The following GABRG3 variants were observed in gnomAD, a reference collection of about 807,000 sequenced individuals.
The protein encoded by GABRG3 is gamma-aminobutyric acid receptor subunit gamma-3.
In GABRG3, 25 loss-of-function variants were observed where a neutral mutation model predicts 48.8. The ratio of observed to expected loss-of-function variants is 0.51; its 90% CI spans 0.37 to 0.72. The LOEUF is 0.72. Among genes scored for constraint, GABRG3 ranks in the 30% least tolerant of loss-of-function variants. The pLI, the probability that GABRG3 is intolerant of heterozygous loss-of-function variation, is 0.00. For missense variants in GABRG3, 394 were observed against 577.9 expected, an observed-to-expected ratio of 0.68 and a Z score of 3.26; for synonymous variants, 227 against 217.6, an observed-to-expected ratio of 1.04 and a Z score of -0.38.
intron 6 of GABRG3, among the ~76,000 whole-genome samples, chr15:27,501,377 CA>C (rs1450495089): frequency 1.3e-5 from 2 of 152,162 alleles, no homozygotes; most frequent in East Asian, 3.9e-4. Context: ...GCAAGCTCTA[CA>C]AGTCTTCCTG....
At chr15:27,519,820 A>G (rs1192135216) in intron 6 of GABRG3, among the ~76,000 whole-genome samples, 152 bp from the exon 7 acceptor site, 1 of 152,202 alleles carries the variant, frequency 6.6e-6, no homozygotes, top group Non-Finnish European at 1.5e-5. Flanking sequence ...GTTTAAGAAA[A>G]CCAGCATTTT....
At chr15:27,384,509 G>A (rs1199214065) in intron 5 of GABRG3, among the ~76,000 whole-genome samples, 3 of 152,128 alleles carry the variant, frequency 2.0e-5, no homozygotes, top group Admixed American at 6.5e-5. Context: ...ACACACACAA[G>A]TGCTTGATAA....
intron 3 of GABRG3, among the ~76,000 whole-genome samples, chr15:27,160,828 C>A (rs1308520078): frequency 1.3e-5 from 2 of 152,100 alleles, no homozygotes; most frequent in African/African-American, 4.8e-5. Context: ...TGGAAGTTCT[C>A]TATGGGCCTC....
rs145192287 is a variant in GABRG3, at chr15:27,034,601, A to C, written c.270+7780A>C. 2.6e-5 allele frequency among the ~76,000 whole-genome samples: 4 copies of C among 152,238 alleles called. No homozygotes were observed. In the East Asian group the frequency reaches 7.7e-4, roughly 29 times the overall value. The stretch of plus-strand genomic sequence containing the variant: ...ATGATCTCTGCAAATTAAAAAAAAA[A>C]TCTCCAAGAACAAAAAAGAAGATGA... On this transcript the variant is annotated intron_variant, in intron 3 of 9. Coordinates refer to ENST00000615808, the MANE Select transcript of GABRG3 (RefSeq NM_033223.5).
chr15:27,031,429 T>C (rs1896084821), intron 3 of GABRG3, among the ~76,000 whole-genome samples: 1 of 152,180 alleles, frequency 6.6e-6, no homozygotes. Context: ...TAGTCAACCT[T>C]GTAGGATGGC....
At chr15:27,257,732 G>A (rs965583740) in intron 3 of GABRG3, among the ~76,000 whole-genome samples, 1 of 152,084 alleles carries the variant, frequency 6.6e-6, no homozygotes, top group Non-Finnish European at 1.5e-5. Context: ...GGGTGCAGTG[G>A]CATGATCGTA....
chr15:27,003,929 C>T (rs1368199774), intron 2 of GABRG3, among the ~76,000 whole-genome samples: 43 of 130,028 alleles, frequency 3.3e-4, no homozygotes, highest in Middle Eastern at 5.7e-3. Context: ...TAGGGGCGGC[C>T]GGGCAGAGGC....
chr15:27,450,710 A>C (rs958584092), intron 5 of GABRG3, among the ~76,000 whole-genome samples: 2 of 151,790 alleles, frequency 1.3e-5, no homozygotes, highest in African/African-American at 4.8e-5. Flanking sequence ...CCAGAGCAAT[A>C]AGGCAATAAA....
At chr15:27,151,906 C>T (rs1438367476) in intron 3 of GABRG3, among the ~76,000 whole-genome samples, 2 of 152,132 alleles carry the variant, frequency 1.3e-5, no homozygotes, top group East Asian at 1.9e-4. Context: ...GGTACCTAGT[C>T]CTTTGTTGGA....
rs1209309897 is a variant in GABRG3 at position 27,480,623 on chromosome 15, G to T, written c.575-27G>T. ...ATGATTTATAAATGTGTACCTTCAA[G>T]TGCTAATGTTTGCTCTGTGTTTTTA... is the stretch of plus-strand genomic sequence containing the variant. On this transcript the variant is annotated intron_variant, in intron 5 of 9. Coordinates refer to ENST00000615808, the MANE Select transcript of GABRG3 (RefSeq NM_033223.5). The T allele has an allele frequency of 1.9e-6, 3 of 1,567,150 alleles. 1 individual carries two copies. Among genetic ancestry groups the T allele is most frequent in the Middle Eastern group, 3.4e-4 (2 of 5,966 alleles).
At chr15:27,394,434 A>G (rs1429558662) in intron 5 of GABRG3, among the ~76,000 whole-genome samples, 1 of 152,124 alleles carries the variant, frequency 6.6e-6, no homozygotes, top group Non-Finnish European at 1.5e-5. Context: ...ACAGTTTAAT[A>G]ACTTTTGGTT....
At chr15:27,305,260 A>T (rs1408598439) in intron 3 of GABRG3, among the ~76,000 whole-genome samples, 5 of 151,664 alleles carry the variant, frequency 3.3e-5, no homozygotes, top group African/African-American at 1.2e-4. Flanking sequence ...AAATTTTAAA[A>T]CATCATTTAA....
chr15:27,186,169 G>A (rs36000808), intron 3 of GABRG3, among the ~76,000 whole-genome samples: 8,093 of 151,972 alleles, frequency 0.053, 343 homozygotes, highest in African/African-American at 0.12. Flanking sequence ...TCAGATCTTG[G>A]CCTGCTCCCT....
chr15:27,016,240 C>CTTTTTTTTT (rs34202673), intron 2 of GABRG3, among the ~76,000 whole-genome samples: 2 of 140,710 alleles, frequency 1.4e-5, no homozygotes, highest in Non-Finnish European at 1.5e-5. Flanking sequence ...TTCTTTCTTT[C>CTTTTTTTTT]TTTTTTTTTT....
At chr15:27,259,984 T>C (rs748910531) in intron 3 of GABRG3, among the ~76,000 whole-genome samples, 8 of 152,152 alleles carry the variant, frequency 5.3e-5, no homozygotes, top group Non-Finnish European at 1.0e-4. Context: ...TGACACTGGA[T>C]GTTGCAAGAC....
intron 3 of GABRG3, among the ~76,000 whole-genome samples, chr15:27,268,110 T>C (rs901576185): frequency 1.3e-5 from 2 of 152,070 alleles, no homozygotes; most frequent in African/African-American, 4.8e-5. Flanking sequence ...GTGTAGACAG[T>C]AGGTTTTATT....
intron 5 of GABRG3, among the ~76,000 whole-genome samples, chr15:27,445,483 T>C (rs1484241604): frequency 6.6e-6 from 1 of 152,228 alleles, no homozygotes; most frequent in Non-Finnish European, 1.5e-5. Flanking sequence ...TACATCTTCT[T>C]TGGAAAAATT....
chr15:26,978,555 A>G (rs182201221), intron 2 of GABRG3, among the ~76,000 whole-genome samples: 9 of 152,266 alleles, frequency 5.9e-5, no homozygotes, highest in East Asian at 1.9e-4. Context: ...TGGATGCCCA[A>G]TTACTCCAGC....
At chr15:27,018,375 TA>T (rs1895817210) in intron 2 of GABRG3, among the ~76,000 whole-genome samples, 1 of 152,254 alleles carries the variant, frequency 6.6e-6, no homozygotes, top group Admixed American at 6.5e-5. Flanking sequence ...CCAGTGTTTT[TA>T]TTCTTTTAAG....
Sources: allele counts gnomAD v4.1 joint callset (sites outside exome capture counted in the v4.1 genomes callset), GRCh38; gene constraint gnomAD v4.1.1; transcripts MANE v1.5; gene names NCBI Gene and HGNC (gene_info 2026-07-23, HGNC 2026-07-21).